The following NAALADL2 variants were observed in gnomAD, a reference collection of about 807,000 sequenced individuals.
The protein encoded by NAALADL2 is inactive N-acetylated-alpha-linked acidic dipeptidase-like protein 2.
Under a neutral mutation model 87.2 loss-of-function variants are expected in NAALADL2, and 76 were observed. The observed-to-expected ratio is 0.87, with a 90% CI of 0.72 to 1.05. The LOEUF (loss-of-function observed/expected upper bound fraction) is 1.05, where lower values mean the gene tolerates loss of function less well. NAALADL2 is among the 50% of genes least tolerant of loss of function. The pLI is 0.00. For missense variants in NAALADL2, 1,089 were observed against 945.8 expected (o/e 1.15, Z -1.99); for synonymous variants, 354 against 331.0 (o/e 1.07, Z -0.75).
chr3:175,323,394 C>T (rs1374704490), intron 4 of NAALADL2, among the ~76,000 whole-genome samples: 1 of 148,518 alleles, frequency 6.7e-6, no homozygotes, highest in Admixed American at 6.7e-5. Flanking sequence ...TGCTAGATGA[C>T]GAGTTAGTGG....
At chr3:175,649,393 C>A (rs1420376449) in intron 11 of NAALADL2, among the ~76,000 whole-genome samples, 3 of 147,534 alleles carry the variant, frequency 2.0e-5, no homozygotes, top group Admixed American at 6.7e-5. Flanking sequence ...CTTAACTGTC[C>A]CATAAGTGTC....
chr3:174,888,260 A>G (rs1730440700), intron 1 of NAALADL2, among the ~76,000 whole-genome samples: 1 of 152,228 alleles, frequency 6.6e-6, no homozygotes. Context: ...TGGCCATACA[A>G]CAGAGGGTTT....
intron 3 of NAALADL2, among the ~76,000 whole-genome samples, chr3:174,756,444 T>C (rs747213565): frequency 3.9e-5 from 6 of 152,218 alleles, no homozygotes; most frequent in Non-Finnish European, 7.3e-5. Context: ...AATAATTATA[T>C]TTACTATGTA....
chr3:175,792,966 C>T (rs1267761313), intron 13 of NAALADL2, among the ~76,000 whole-genome samples: 1 of 152,172 alleles, frequency 6.6e-6, no homozygotes, highest in Non-Finnish European at 1.5e-5. Context: ...TTCAGAAATC[C>T]AAGGACTACT....
At chr3:175,394,850 A>C (rs1279794333) in intron 5 of NAALADL2, among the ~76,000 whole-genome samples, 1 of 152,178 alleles carries the variant, frequency 6.6e-6, no homozygotes, top group African/African-American at 2.4e-5. Context: ...TGCAACAGCA[A>C]AACTAGCACA....
At chr3:174,990,139 G>A (rs759221469) in intron 1 of NAALADL2, among the ~76,000 whole-genome samples, 7 of 152,022 alleles carry the variant, frequency 4.6e-5, no homozygotes, top group East Asian at 1.9e-4. Flanking sequence ...TTAAATTTCC[G>A]CAAATGCCAC....
chr3:175,148,349 G>C (rs2108767781), intron 2 of NAALADL2, among the ~76,000 whole-genome samples: 1 of 151,832 alleles, frequency 6.6e-6, no homozygotes, highest in East Asian at 1.9e-4. Flanking sequence ...AGATCTTTGT[G>C]GGATACTTAA....
chr3:174,732,746 T>A (rs1383717222), intron 2 of NAALADL2, among the ~76,000 whole-genome samples: 3 of 152,162 alleles, frequency 2.0e-5, no homozygotes, highest in African/African-American at 7.2e-5. Flanking sequence ...TGAAGAAGAC[T>A]GTTTTAGAAA....
At chr3:175,354,604 CTTTTT>C (rs1340556700) in intron 5 of NAALADL2, among the ~76,000 whole-genome samples, 1 of 151,682 alleles carries the variant, frequency 6.6e-6, no homozygotes, top group Non-Finnish European at 1.5e-5. Context: ...ATTGATTTAC[CTTTTT>C]TCATTAGATT....
At chr3:175,360,973 CT>C (rs2148907841) in intron 5 of NAALADL2, among the ~76,000 whole-genome samples, 1 of 151,862 alleles carries the variant, frequency 6.6e-6, no homozygotes, top group African/African-American at 2.4e-5. Flanking sequence ...CACCCATTAA[CT>C]CATCATTTAC....
chr3:174,872,164 C>T (rs560620564), intron 1 of NAALADL2, among the ~76,000 whole-genome samples: 3 of 152,060 alleles, frequency 2.0e-5, no homozygotes, highest in Non-Finnish European at 4.4e-5. Flanking sequence ...TAAGATTAAG[C>T]GCATATTCTA....
chr3:175,172,799 A>T lies in NAALADL2; in HGVS notation c.546-61132A>T, dbSNP rs530177269. Among the ~76,000 whole-genome samples, 5 of 152,248 alleles carry T rather than the reference A, an allele frequency of 3.3e-5. No individual in the cohort carries two copies. The East Asian group carries it at 9.7e-4, about 29-fold the overall frequency. On this transcript the variant is annotated intron_variant, in intron 2 of 13. Coordinates refer to ENST00000454872, the MANE Select transcript of NAALADL2 (RefSeq NM_207015.3). ...ATGGCATTTAGAATTTGGATTATTG[A>T]AAAGGAGGCGAAAATGTCTCCTGAA...
intron 2 of NAALADL2, among the ~76,000 whole-genome samples, chr3:175,135,906 G>A (rs530120690): frequency 6.6e-6 from 1 of 152,298 alleles, no homozygotes; most frequent in African/African-American, 2.4e-5. Context: ...GCCTGGAGAA[G>A]CTCATTATGG....
intron 4 of NAALADL2, among the ~76,000 whole-genome samples, chr3:175,303,466 A>C (rs1020856846): frequency 3.3e-5 from 5 of 152,168 alleles, no homozygotes; most frequent in Non-Finnish European, 1.5e-5. Context: ...GCCACCAAAA[A>C]AAAATTTCCC....
chr3:175,090,180 G>T (rs189534131), intron 1 of NAALADL2, among the ~76,000 whole-genome samples: 1 of 151,986 alleles, frequency 6.6e-6, no homozygotes, highest in South Asian at 2.1e-4. Context: ...CCCATGGCAG[G>T]AACAGGAATT....
chr3:175,558,723 G>A (rs959505973), intron 9 of NAALADL2, among the ~76,000 whole-genome samples: 4 of 152,022 alleles, frequency 2.6e-5, no homozygotes, highest in African/African-American at 9.7e-5. Flanking sequence ...TGTTGAAAAT[G>A]ATTTTACTGT....
chr3:175,663,272 TTAG>T (rs1732517201), intron 11 of NAALADL2, among the ~76,000 whole-genome samples: 1 of 151,778 alleles, frequency 6.6e-6, no homozygotes, highest in African/African-American at 2.4e-5. Flanking sequence ...TGGTTGAATC[TTAG>T]TAGATTTTAT....
chr3:175,237,467 C>T (rs1746100003), intron 3 of NAALADL2, among the ~76,000 whole-genome samples: 2 of 151,952 alleles, frequency 1.3e-5, no homozygotes, highest in African/African-American at 2.4e-5. Context: ...CGCAGGATAC[C>T]GATGGTGTTC....
chr3:175,410,371 G>C (rs534152766), intron 5 of NAALADL2, among the ~76,000 whole-genome samples: 2 of 152,090 alleles, frequency 1.3e-5, no homozygotes, highest in African/African-American at 4.8e-5. Context: ...AAAGATTCCA[G>C]ATGGTTGAGT....
Sources: gnomAD v4.1 joint callset for allele counts (sites outside exome capture counted in the v4.1 genomes callset) on GRCh38, gnomAD v4.1.1 for gene constraint, MANE v1.5 for transcripts, NCBI Gene and HGNC (gene_info 2026-07-23, HGNC 2026-07-21) for gene names.